The following AMPH variants were observed in gnomAD, a reference collection of about 807,000 sequenced individuals.
The protein encoded by AMPH is amphiphysin.
Under a neutral mutation model 99.1 loss-of-function variants are expected in AMPH, and 49 were observed. The observed-to-expected ratio is 0.49, with a 90% CI of 0.39 to 0.63. The LOEUF is 0.63. Ranked by LOEUF, AMPH falls within the 20% of genes least tolerant of loss-of-function variation. The pLI, the probability that AMPH is intolerant of heterozygous loss-of-function variation, is 0.00. For missense variants in AMPH, 759 were observed against 863.4 expected, an observed-to-expected ratio of 0.88 and a Z score of 1.52; for synonymous variants, 314 against 317.3, an observed-to-expected ratio of 0.99 and a Z score of 0.11.
chr7:38,477,311 T>C (rs113125262), intron 5 of AMPH, among the ~76,000 whole-genome samples: 3 of 152,282 alleles, frequency 2.0e-5, no homozygotes, highest in African/African-American at 7.2e-5. Context: ...TCGAAATCTT[T>C]AAATGTTCTA....
At chr7:38,422,339 C>A in intron 16 of AMPH, 82 bp downstream of exon 16, 3 of 1,174,270 alleles carry the variant, frequency 2.6e-6, no homozygotes, top group South Asian at 1.4e-5. Context: ...TATTCAAACT[C>A]TAGACAGCCT....
At chr7:38,473,996 AGGTG>A (rs1787990816) in intron 7 of AMPH, among the ~76,000 whole-genome samples, 1 of 152,068 alleles carries the variant, frequency 6.6e-6, no homozygotes, top group Admixed American at 6.5e-5. Flanking sequence ...AGAGATGTCA[AGGTG>A]GAGCTTCTGA....
At chr7:38,438,223 AAC>A (rs1285693231) in intron 11 of AMPH, among the ~76,000 whole-genome samples, 1 of 152,354 alleles carries the variant, frequency 6.6e-6, no homozygotes, top group African/African-American at 2.4e-5. Context: ...TAATGTTGAC[AAC>A]ACTTTATTGC....
At chr7:38,444,401 G>A (rs1381497250) in intron 11 of AMPH, among the ~76,000 whole-genome samples, 1 of 152,110 alleles carries the variant, frequency 6.6e-6, no homozygotes, top group Admixed American at 6.6e-5. Context: ...ATTAGAGTGG[G>A]TCCTAATCCA....
chr7:38,485,541 T>C (rs1022634314), intron 5 of AMPH, among the ~76,000 whole-genome samples: 2 of 151,930 alleles, frequency 1.3e-5, no homozygotes, highest in Non-Finnish European at 2.9e-5. Context: ...CAATTATAGA[T>C]AGAACCACAA....
intron 1 of AMPH, among the ~76,000 whole-genome samples, chr7:38,625,991 G>A (rs144949991): frequency 2.6e-5 from 4 of 152,216 alleles, no homozygotes; most frequent in African/African-American, 9.6e-5. Context: ...GGAAGAACTA[G>A]AGGAGAAATA....
At chr7:38,465,052 G>A (rs990398278) in intron 9 of AMPH, among the ~76,000 whole-genome samples, 5 of 152,156 alleles carry the variant, frequency 3.3e-5, no homozygotes, top group African/African-American at 1.2e-4. Context: ...TTCCCAAAAT[G>A]GATTCATGAA....
chr7:38,468,315 A>G (rs975007179), intron 7 of AMPH, among the ~76,000 whole-genome samples: 8 of 152,156 alleles, frequency 5.3e-5, no homozygotes, highest in African/African-American at 1.9e-4. Flanking sequence ...TGAATCACCT[A>G]TTCAAATTTT....
chr7:38,616,608 A>G (rs1793880510), intron 1 of AMPH, among the ~76,000 whole-genome samples: 1 of 152,238 alleles, frequency 6.6e-6, no homozygotes, highest in Non-Finnish European at 1.5e-5. Flanking sequence ...CAGGTGAAGA[A>G]TGGGTAAATA....
At chr7:38,461,050 T>C (rs1787419546) in intron 11 of AMPH, among the ~76,000 whole-genome samples, 1 of 152,196 alleles carries the variant, frequency 6.6e-6, no homozygotes, top group South Asian at 2.1e-4. Flanking sequence ...TCAATATTTT[T>C]CCAATTTTCT....
chr7:38,439,529 ACCAC>A (rs1786421831), intron 11 of AMPH, among the ~76,000 whole-genome samples: 4 of 152,226 alleles, frequency 2.6e-5, no homozygotes, highest in Non-Finnish European at 5.9e-5. Context: ...CAACTCTGTC[ACCAC>A]ATGTTGAAAC....
At chr7:38,546,329 A>G (rs1018695264) in intron 1 of AMPH, among the ~76,000 whole-genome samples, 1 of 152,236 alleles carries the variant, frequency 6.6e-6, no homozygotes, top group African/African-American at 2.4e-5. Flanking sequence ...TTATTTTTGT[A>G]TACATTTCTA....
Position 38,491,134 on chromosome 7 carries a change from C to G in AMPH, c.312G>C (p.Val104=). The change falls in exon 5 of 21, where the codon GTG becomes GTC. Residue 104 remains valine, a synonymous_variant. Transcript: ENST00000356264. ...GTTTTTGATGGAAGTCTTCCCACAG[C>G]ACATCACATTTCTAAAAGAAATAAA... The part of the protein sequence containing the change: ...DVKMVGEKCD[V]LWEDFHQKLV... 1 of 1,611,198 alleles carries G rather than the reference C, an allele frequency of 6.2e-7. No homozygotes were observed. The highest frequency in any genetic ancestry group is 8.5e-7 in the Non-Finnish European group (1 of 1,177,642).
chr7:38,406,893 T>C (rs1785026218), intron 17 of AMPH, among the ~76,000 whole-genome samples: 1 of 149,518 alleles, frequency 6.7e-6, no homozygotes, highest in Admixed American at 6.6e-5. Context: ...CATTGTCAGC[T>C]TCCCTGGTTT....
At chr7:38,494,255 G>C (rs762994212) in intron 4 of AMPH, among the ~76,000 whole-genome samples, 178 bp downstream of exon 4, 9 of 152,152 alleles carry the variant, frequency 5.9e-5, no homozygotes, top group Non-Finnish European at 1.0e-4. Context: ...CACCGCACCT[G>C]GCCCATCTTC....
intron 11 of AMPH, among the ~76,000 whole-genome samples, chr7:38,445,010 T>TATACACACACACAC (rs1458295332): frequency 1.6e-5 from 2 of 125,984 alleles, no homozygotes; most frequent in South Asian, 2.8e-4. Flanking sequence ...TATATATATA[T>TATACACACACACAC]ACACACACAC....
chr7:38,615,822 G>A (rs1305225917), intron 1 of AMPH, among the ~76,000 whole-genome samples: 2 of 152,172 alleles, frequency 1.3e-5, no homozygotes, highest in African/African-American at 4.8e-5. Flanking sequence ...GTTAGCTACT[G>A]TAGCAGTGGC....
chr7:38,525,705 C>T (rs542337807), intron 2 of AMPH, among the ~76,000 whole-genome samples: 1 of 152,026 alleles, frequency 6.6e-6, no homozygotes, highest in Non-Finnish European at 1.5e-5. Flanking sequence ...CAGTATAAAA[C>T]CTTTTAGAAT....
intron 5 of AMPH, among the ~76,000 whole-genome samples, chr7:38,485,613 T>C (rs1193124906): frequency 6.6e-6 from 1 of 151,848 alleles, no homozygotes; most frequent in Non-Finnish European, 1.5e-5. Context: ...CCTGAGCAAC[T>C]ATCAAATGGA....
Sources: gnomAD v4.1 joint callset for allele counts (sites outside exome capture counted in the v4.1 genomes callset) on GRCh38, gnomAD v4.1.1 for gene constraint, MANE v1.5 for transcripts, NCBI Gene and HGNC (gene_info 2026-07-23, HGNC 2026-07-21) for gene names.